The following PDE4B variants were observed in gnomAD, a reference collection of about 807,000 sequenced individuals.
PDE4B encodes phosphodiesterase 4B, also known as 3',5'-cyclic-AMP phosphodiesterase 4B.
A neutral mutation model predicts 82.2 loss-of-function variants in PDE4B; 20 were observed. The observed-to-expected ratio is 0.24, with a 90% CI of 0.17 to 0.35. The LOEUF (loss-of-function observed/expected upper bound fraction) is 0.35, where lower values mean the gene tolerates loss of function less well. PDE4B is among the 10% of genes least tolerant of loss of function. PDE4B has a pLI of 1.00. For synonymous variants in PDE4B, 320 were observed against 318.9 expected (o/e 1.00, Z -0.04); for missense variants, 655 against 907.2 (o/e 0.72, Z 3.57).
chr1:66,166,934 T>C (rs1043613912), intron 3 of PDE4B, among the ~76,000 whole-genome samples: 8 of 152,100 alleles, frequency 5.3e-5, no homozygotes, highest in African/African-American at 1.4e-4. Flanking sequence ...AAATGGACAA[T>C]GATCATATGA....
chr1:65,837,245 A>C (rs1646150424), intron 1 of PDE4B, among the ~76,000 whole-genome samples: 1 of 152,194 alleles, frequency 6.6e-6, no homozygotes, highest in Non-Finnish European at 1.5e-5. Context: ...TATCACATTT[A>C]AATGGATAGC....
chr1:66,043,668 A>C (rs1654519618), intron 3 of PDE4B, among the ~76,000 whole-genome samples: 1 of 151,726 alleles, frequency 6.6e-6, no homozygotes, highest in African/African-American at 2.4e-5. Flanking sequence ...ACTTATGCAA[A>C]CTAATTTCTA....
At chr1:66,193,283 T>C (rs1322859158) in intron 3 of PDE4B, among the ~76,000 whole-genome samples, 2 of 152,316 alleles carry the variant, frequency 1.3e-5, no homozygotes, top group East Asian at 3.9e-4. Flanking sequence ...TATGAAGCAG[T>C]CACTGTTCAG....
chr1:65,927,109 T>C (rs755854882), intron 3 of PDE4B, among the ~76,000 whole-genome samples: 1 of 151,668 alleles, frequency 6.6e-6, no homozygotes, highest in Non-Finnish European at 1.5e-5. Flanking sequence ...TATAAGACCA[T>C]GTTAAAAGAA....
At chr1:66,366,091 C>T (rs1663224977) in intron 13 of PDE4B, among the ~76,000 whole-genome samples, 1 of 152,028 alleles carries the variant, frequency 6.6e-6, no homozygotes, top group Admixed American at 6.6e-5. Flanking sequence ...ATGATAATGA[C>T]TTTTTATATT....
chr1:66,018,791 T>TCTA (rs1652923004), intron 3 of PDE4B, among the ~76,000 whole-genome samples: 1 of 152,178 alleles, frequency 6.6e-6, no homozygotes, highest in Non-Finnish European at 1.5e-5. Context: ...ACCATTATCC[T>TCTA]CTATGTGCAA....
At chr1:66,079,166 TTCTCTCTCTCTCTC>T (rs148765561) in intron 3 of PDE4B, among the ~76,000 whole-genome samples, 1,722 of 142,308 alleles carry the variant, frequency 0.012, 40 homozygotes, top group African/African-American at 0.044. Context: ...CCTGCTTCTT[TTCTCTCTCTCTCTC>T]TCTCTCTCTC....
intron 3 of PDE4B, chr1:66,048,714 A>C (rs1244889875): frequency 6.6e-6 from 1 of 151,972 alleles, no homozygotes; most frequent in East Asian, 1.9e-4. Flanking sequence ...CTTCTGATTC[A>C]CAGCCTATTA....
chr1:66,080,347 G>A (rs1220613374), intron 3 of PDE4B, among the ~76,000 whole-genome samples: 6 of 152,088 alleles, frequency 3.9e-5, no homozygotes, highest in East Asian at 3.9e-4. Flanking sequence ...AATAAGATGC[G>A]TTGACAAAAC....
intron 3 of PDE4B, among the ~76,000 whole-genome samples, chr1:66,216,005 G>A (rs1342675036): frequency 6.6e-6 from 1 of 152,000 alleles, no homozygotes; most frequent in African/African-American, 2.4e-5. Context: ...CAAAGTCATG[G>A]GATTTGCCTG....
At chr1:66,050,259 G>T (rs191179968) in intron 3 of PDE4B, among the ~76,000 whole-genome samples, 2 of 152,028 alleles carry the variant, frequency 1.3e-5, no homozygotes, top group African/African-American at 4.8e-5. Context: ...TGACTCAGCT[G>T]CTTAAATGAT....
At chr1:65,963,461 GGCCA>G (rs1278991873) in intron 3 of PDE4B, among the ~76,000 whole-genome samples, 13 of 152,174 alleles carry the variant, frequency 8.5e-5, no homozygotes, top group Non-Finnish European at 1.5e-4. Flanking sequence ...CAGCAAGGTT[GGCCA>G]GCTGTGATTT....
intron 3 of PDE4B, among the ~76,000 whole-genome samples, chr1:66,047,838 C>A (rs555448742): frequency 6.6e-6 from 1 of 152,056 alleles, no homozygotes; most frequent in Admixed American, 6.6e-5. Flanking sequence ...ATAAATTTCA[C>A]CCCAACATTA....
chr1:66,167,180 C>G (rs1646751072), intron 3 of PDE4B, among the ~76,000 whole-genome samples: 2 of 151,454 alleles, frequency 1.3e-5, no homozygotes, highest in Admixed American at 1.3e-4. Flanking sequence ...CAACATGACC[C>G]AGCAAGTTTA....
rs572262688 is a variant in PDE4B, at chr1:65,906,066, A to AT, written c.-70-7173dup. The stretch of plus-strand genomic sequence containing the variant: ...GGTTTTGGATCATGGATGCAATTTA[A>AT]TTTTTTATACTCTCATTGAAAGTTG... On this transcript the variant is annotated intron_variant, in intron 1 of 16. Transcript: ENST00000341517. 1.8e-4 allele frequency among the ~76,000 whole-genome samples: 27 copies of AT among 152,150 alleles called. No homozygotes were observed. The East Asian group carries it at 5.2e-3, about 29-fold the overall frequency.
chr1:66,102,588 G>A (rs370347404), intron 3 of PDE4B, among the ~76,000 whole-genome samples: 2 of 152,042 alleles, frequency 1.3e-5, no homozygotes, highest in East Asian at 1.9e-4. Context: ...CCTAACAGAT[G>A]CCTTCTGCTA....
intron 1 of PDE4B, among the ~76,000 whole-genome samples, chr1:65,872,682 T>C (rs966646943): frequency 6.6e-6 from 1 of 152,236 alleles, no homozygotes; most frequent in African/African-American, 2.4e-5. Context: ...TCAGTCAGCA[T>C]GCTTCATTGA....
chr1:65,996,741 T>C (rs1183302406), intron 3 of PDE4B, among the ~76,000 whole-genome samples: 1 of 152,194 alleles, frequency 6.6e-6, no homozygotes, highest in Non-Finnish European at 1.5e-5. Context: ...TTTCAAAATT[T>C]TTCTTTGAAT....
chr1:65,863,416 A>G (rs368613613), intron 1 of PDE4B, among the ~76,000 whole-genome samples: 5 of 152,288 alleles, frequency 3.3e-5, no homozygotes, highest in African/African-American at 9.6e-5. Flanking sequence ...GGAGTGCTTT[A>G]CTTCCAATTA....
Sources: allele counts gnomAD v4.1 joint callset (sites outside exome capture counted in the v4.1 genomes callset), GRCh38; gene constraint gnomAD v4.1.1; transcripts MANE v1.5; gene names NCBI Gene and HGNC (gene_info 2026-07-23, HGNC 2026-07-21).